Variants in LHCGR observed in about 807,000 individuals in gnomAD.
LHCGR encodes luteinizing hormone/choriogonadotropin receptor.
Under a neutral mutation model 60.7 loss-of-function variants are expected in LHCGR, and 55 were observed. The ratio of observed to expected loss-of-function variants is 0.91; its 90% CI spans 0.73 to 1.13. LHCGR has a LOEUF of 1.13. LHCGR is among the 50% of genes most tolerant of loss of function. The pLI is 0.00. For synonymous variants in LHCGR, 337 were observed against 316.5 expected (o/e 1.06, Z -0.69); for missense variants, 862 against 836.0 (o/e 1.03, Z -0.38).
intron 10 of LHCGR, among the ~76,000 whole-genome samples, chr2:48,690,499 G>A (rs1191477090): frequency 1.3e-5 from 2 of 152,180 alleles, no homozygotes; most frequent in Non-Finnish European, 2.9e-5. Context: ...AATTCTTGAA[G>A]CAATCAATAT....
chr2:48,710,354 G>T (rs1667919939), intron 7 of LHCGR, among the ~76,000 whole-genome samples: 1 of 152,142 alleles, frequency 6.6e-6, no homozygotes, highest in African/African-American at 2.4e-5. Context: ...ATTATGTTCA[G>T]TTATAGTTAT....
chr2:48,755,524 C>A lies in LHCGR; in HGVS notation c.148G>T (p.Gly50Cys). Residue 50 changes from glycine to cysteine, a missense_variant, in exon 1 of 11, where the codon GGT (glycine) becomes TGT (cysteine). By Grantham distance (159) the Gly-to-Cys change is radical (BLOSUM62 -3). Transcript: ENST00000294954. ...GALRCPGPTA[G>C]LTRLSLAYLP... ...CTGTGTACTCACAGTCGAGTGAGAC[C>A]GGCCGTGGGGCCGGGGCAGCGCAGG... 1.3e-6 allele frequency: 2 copies of A among 1,541,248 alleles called. No homozygotes were observed. The highest frequency in any genetic ancestry group is 8.7e-7 in the Non-Finnish European group (1 of 1,143,562).
intron 1 of LHCGR, among the ~76,000 whole-genome samples, chr2:48,733,540 G>C (rs944779203): frequency 5.9e-5 from 9 of 152,144 alleles, no homozygotes; most frequent in Non-Finnish European, 8.8e-5. Context: ...GGCAGCAGTG[G>C]GGAGAGTGAA....
intron 1 of LHCGR, chr2:48,733,158 C>G (rs1183911087): frequency 2.9e-6 from 1 of 350,394 alleles, no homozygotes; most frequent in African/African-American, 2.1e-5. Context: ...ATTCTGATTC[C>G]AGAATCTTTA....
rs993092773 is a variant in LHCGR at position 48,725,696 on chromosome 2, A to C, written c.363T>G (p.Asn121Lys). 6 of 1,613,250 alleles carry C rather than the reference A, an allele frequency of 3.7e-6. No homozygotes were observed. The highest frequency in any genetic ancestry group is 4.2e-6 in the Non-Finnish European group (5 of 1,179,416). Residue 121 changes from asparagine (N) to lysine (K), a missense_variant, in exon 4 of 11, where the codon AAT (asparagine) becomes AAG (lysine). Asn to Lys is a moderately conservative substitution (Grantham distance 94, BLOSUM62 0). Coordinates refer to ENST00000294954, the MANE Select transcript of LHCGR (RefSeq NM_000233.4). ...CTCACAAGTATTTTAATCGGGGAAG[A>C]TTTATAAATGCTCCGGGCTCAATGT... ...LRYIEPGAFINLPRLKYLSIC... is the reference protein window; with the variant it reads ...LRYIEPGAFIKLPRLKYLSIC...
chr2:48,728,612 T>C (rs1668850129), intron 3 of LHCGR, among the ~76,000 whole-genome samples: 2 of 152,176 alleles, frequency 1.3e-5, no homozygotes, highest in Non-Finnish European at 2.9e-5. Context: ...TTTCCTATCC[T>C]TTTTGTGATT....
intron 1 of LHCGR, among the ~76,000 whole-genome samples, chr2:48,735,689 T>G (rs1389982320): frequency 6.6e-6 from 1 of 152,200 alleles, no homozygotes; most frequent in East Asian, 1.9e-4. Flanking sequence ...CTTTCTGTAG[T>G]GGATACTGTG....
At chr2:48,742,423 A>G (rs1669500306) in intron 1 of LHCGR, among the ~76,000 whole-genome samples, 4 of 150,764 alleles carry the variant, frequency 2.7e-5, no homozygotes, top group Non-Finnish European at 5.9e-5. Context: ...CTATTCCAAA[A>G]TTGACCACAT....
chr2:48,713,361 C>G (rs1668086390), intron 7 of LHCGR, among the ~76,000 whole-genome samples: 1 of 152,106 alleles, frequency 6.6e-6, no homozygotes, highest in South Asian at 2.1e-4. Flanking sequence ...GTCCCCAGCC[C>G]CACAAACTTT....
chr2:48,753,479 AGGCTAAATGACT>A (rs879592802), intron 1 of LHCGR, among the ~76,000 whole-genome samples: 1 of 152,174 alleles, frequency 6.6e-6, no homozygotes, highest in Admixed American at 6.5e-5. Flanking sequence ...TTGGCTAAGG[AGGCTAAATGACT>A]GGCAGAGGAT....
intron 9 of LHCGR, among the ~76,000 whole-genome samples, chr2:48,697,503 A>G (rs1285920258): frequency 6.6e-6 from 1 of 152,246 alleles, no homozygotes; most frequent in Non-Finnish European, 1.5e-5. Context: ...AGATCAGTTA[A>G]TGGCACATGA....
In LHCGR at chr2:48,698,796, T is replaced by G. The variant is rs200910409; in HGVS notation, c.685A>C (p.Ile229Leu). Reference sequence around the variant, plus strand: ...AGGGCCTGCAATTTGGTGGAAGAAATATCCCTGAACAATAAAGGGGAGAAA... The same window carrying G: ...AGGGCCTGCAATTTGGTGGAAGAAAGATCCCTGAACAATAAAGGGGAGAAA... Reference protein sequence around the residue: ...RGATGPKTLDISSTKLQALPS... With the variant: ...RGATGPKTLDLSSTKLQALPS... The change falls in exon 9 of 11, where the codon ATT becomes CTT. Residue 229 changes from isoleucine (I) to leucine (L), a missense_variant. Transcript: ENST00000294954. The G allele has an allele frequency of 6.2e-7, 1 of 1,612,916 alleles. No individual in the cohort carries two copies. Among genetic ancestry groups the G allele is most frequent in the Non-Finnish European group, 8.5e-7 (1 of 1,178,970 alleles).
rs1269542807 is a variant in LHCGR at position 48,687,770 on chromosome 2, G to C, written c.2027C>G (p.Ser676Cys). The change falls in exon 11 of 11, where the codon TCC (serine) becomes TGC (cysteine). Residue 676 changes from serine (S) to cysteine (C), a missense_variant. Ser to Cys is a moderately radical substitution (Grantham distance 112). Transcript: ENST00000294954. ...GFTGSNKPSQ[S>C]TLKLSTLHCQ... ...GTGCAATGTGGACAACTTCAAGGTG[G>C]ATTGAGAAGGCTTATTTGATCCAGT... The C allele has an allele frequency of 1.2e-6, 2 of 1,614,028 alleles. No individual in the cohort carries two copies. Among genetic ancestry groups the C allele is most frequent in the Non-Finnish European group, 1.7e-6 (2 of 1,180,004 alleles).
At chr2:48,691,845 CAAA>C (rs60937994) in intron 10 of LHCGR, among the ~76,000 whole-genome samples, 12,279 of 88,286 alleles carry the variant, frequency 0.14, 640 homozygotes, top group African/African-American at 0.22. Context: ...GATTCTGTCT[CAAA>C]AAAAAAAAAA....
chr2:48,699,396 C>T (rs1313701750), intron 8 of LHCGR, among the ~76,000 whole-genome samples: 1 of 152,146 alleles, frequency 6.6e-6, no homozygotes, highest in Non-Finnish European at 1.5e-5. Context: ...CCTACCCTCT[C>T]TCTTCCTCCC....
chr2:48,721,755 T>A (rs371556111), intron 6 of LHCGR: 6 of 471,180 alleles, frequency 1.3e-5, no homozygotes, highest in African/African-American at 4.0e-5. Context: ...GCTCCTTTAT[T>A]GCCTCATCAC....
chr2:48,746,507 T>A (rs1270514925), intron 1 of LHCGR, among the ~76,000 whole-genome samples: 2 of 152,244 alleles, frequency 1.3e-5, no homozygotes, highest in African/African-American at 4.8e-5. Flanking sequence ...GTTTTAATGA[T>A]CAGTCAGTTG....
chr2:48,707,910 G>A (rs1397193358), intron 8 of LHCGR, among the ~76,000 whole-genome samples: 3 of 152,110 alleles, frequency 2.0e-5, no homozygotes, highest in South Asian at 4.1e-4. Flanking sequence ...GGAGTGTATC[G>A]TTCCTCCAGG....
intron 8 of LHCGR, among the ~76,000 whole-genome samples, chr2:48,704,622 G>C (rs1456724815): frequency 6.6e-6 from 1 of 152,258 alleles, no homozygotes; most frequent in Admixed American, 6.5e-5. Flanking sequence ...TCTTGGGAGG[G>C]TGTATGTGTC....
Sources: allele counts gnomAD v4.1 joint callset (sites outside exome capture counted in the v4.1 genomes callset), GRCh38; gene constraint gnomAD v4.1.1; transcripts MANE v1.5; gene names NCBI Gene and HGNC (gene_info 2026-07-23, HGNC 2026-07-21).